Variants in PTPRN2 observed in about 807,000 individuals in gnomAD.
PTPRN2 encodes protein tyrosine phosphatase receptor type N2.
PTPRN2 carries 74 observed loss-of-function variants against 118.8 expected under a neutral mutation model. The ratio of observed to expected loss-of-function variants is 0.62; its 90% confidence interval spans 0.52 to 0.76. The LOEUF (loss-of-function observed/expected upper bound fraction) is 0.76. PTPRN2 is among the 30% of genes least tolerant of loss of function. The pLI is 0.00. For missense variants in PTPRN2, 1,481 were observed against 1,394.4 expected, an observed-to-expected ratio of 1.06 and a Z score of -0.99; for synonymous variants, 641 against 608.0, an observed-to-expected ratio of 1.05 and a Z score of -0.80.
chr7:157,737,506 G>C (rs193294129), intron 12 of PTPRN2, among the ~76,000 whole-genome samples: 40 of 152,240 alleles, frequency 2.6e-4, no homozygotes, highest in African/African-American at 9.6e-4. Context: ...GGCAGGGGGC[G>C]CAGGCAGGAG....
intron 2 of PTPRN2, among the ~76,000 whole-genome samples, chr7:158,378,933 C>T (rs1209792991): frequency 6.6e-6 from 1 of 152,214 alleles, no homozygotes; most frequent in Non-Finnish European, 1.5e-5. Flanking sequence ...GACCCCGCTC[C>T]CAGTCCTGTC....
At chr7:157,999,170 C>G (rs574637236) in intron 11 of PTPRN2, among the ~76,000 whole-genome samples, 1 of 152,076 alleles carries the variant, frequency 6.6e-6, no homozygotes, top group Non-Finnish European at 1.5e-5. Flanking sequence ...CTGCACTGAC[C>G]GGCTTTTATT....
chr7:157,589,631 G>A (rs1335949087), intron 17 of PTPRN2, among the ~76,000 whole-genome samples: 2 of 152,186 alleles, frequency 1.3e-5, no homozygotes, highest in Non-Finnish European at 2.9e-5. Flanking sequence ...GGATGGGTAT[G>A]AGGTGTTAAG....
chr7:157,672,548 C>T lies in PTPRN2; in HGVS notation c.2001+10177G>A, dbSNP rs77605785. ...CAGGCCAGGAAAGGTGATTCCAGGT[C>T]GGGAAAGGCCATTCCAGGAAGATTG... On this transcript the variant is annotated intron_variant, in intron 13 of 22. Transcript: ENST00000389418. Among the ~76,000 whole-genome samples the T allele has an allele frequency of 5.5e-3, 830 of 152,258 alleles. 22 individuals carry two copies. In the South Asian group the frequency reaches 0.079, roughly 15 times the overall value.
intron 11 of PTPRN2, among the ~76,000 whole-genome samples, chr7:157,963,640 C>T (rs575933938): frequency 5.8e-4 from 88 of 152,302 alleles, no homozygotes; most frequent in African/African-American, 1.7e-3. Context: ...GGCCACAGTT[C>T]GGGCCTGGGA....
At chr7:157,541,238 T>C (rs1346973526) in intron 22 of PTPRN2, among the ~76,000 whole-genome samples, 3 of 152,236 alleles carry the variant, frequency 2.0e-5, no homozygotes, top group South Asian at 4.1e-4. Flanking sequence ...GGGCCATGCT[T>C]GGGCGTTTCC....
intron 11 of PTPRN2, among the ~76,000 whole-genome samples, chr7:158,026,633 T>A (rs11772608): frequency 6.6e-6 from 1 of 152,130 alleles, no homozygotes; most frequent in Non-Finnish European, 1.5e-5. Context: ...CCACGTGAGA[T>A]GGTACAGGAG....
intron 10 of PTPRN2, among the ~76,000 whole-genome samples, chr7:158,101,617 T>C (rs1404378944): frequency 6.6e-6 from 1 of 152,222 alleles, no homozygotes; most frequent in Non-Finnish European, 1.5e-5. Context: ...AATCCCACTG[T>C]ATACAAAGAA....
intron 21 of PTPRN2, among the ~76,000 whole-genome samples, chr7:157,566,243 G>A (rs1799479841): frequency 6.6e-6 from 1 of 152,220 alleles, no homozygotes; most frequent in Admixed American, 6.5e-5. Context: ...GCATTCTCTG[G>A]TCTTCTGTAA....
At chr7:158,573,650 G>A (rs1226226448) in intron 1 of PTPRN2, among the ~76,000 whole-genome samples, 1 of 152,166 alleles carries the variant, frequency 6.6e-6, no homozygotes, top group East Asian at 1.9e-4. Context: ...CTTATGAATC[G>A]ATGAAACTGG....
intron 2 of PTPRN2, among the ~76,000 whole-genome samples, chr7:158,323,371 C>T (rs573902787): frequency 1.3e-5 from 2 of 152,318 alleles, no homozygotes; most frequent in South Asian, 2.1e-4. Flanking sequence ...GACGCAACCC[C>T]TTCACTGTGC....
intron 1 of PTPRN2, among the ~76,000 whole-genome samples, chr7:158,520,598 C>T (rs912934901): frequency 2.1e-4 from 32 of 152,324 alleles, no homozygotes; most frequent in African/African-American, 3.6e-4. Context: ...GCTCCAACCC[C>T]GACTTCCAAG....
At chr7:158,551,442 G>C (rs1826646246) in intron 1 of PTPRN2, among the ~76,000 whole-genome samples, 1 of 151,474 alleles carries the variant, frequency 6.6e-6, no homozygotes. Context: ...GCACTTGGGG[G>C]GCCCTGCCTA....
rs1263548 is a variant in PTPRN2, at chr7:157,674,540, T to G, written c.2001+8185A>C. Among the ~76,000 whole-genome samples the G allele has an allele frequency of 0.47, 71,912 of 152,126 alleles. 17,285 individuals are homozygous for G. The highest frequency in any genetic ancestry group is 0.53 in the Admixed American group (8,144 of 15,298). ...ACCCCGCGCAGCGTCTTGCCTCCTT[T>G]TATGCCGGTGTACGTGTTGTGTTAA... On this transcript the variant is annotated intron_variant, in intron 13 of 22. Coordinates refer to ENST00000389418, the MANE Select transcript of PTPRN2 (RefSeq NM_002847.5). This position sits in a 1 kb window ranked among gnomAD's most constrained non-coding sequence, Gnocchi z 4.5.
At chr7:158,342,734 C>G (rs2151241053) in intron 2 of PTPRN2, among the ~76,000 whole-genome samples, 1 of 152,282 alleles carries the variant, frequency 6.6e-6, no homozygotes, top group Non-Finnish European at 1.5e-5. Context: ...GGTTGGGTGC[C>G]TTGCTGGAGC....
In PTPRN2 at chr7:158,179,443, C is replaced by G. The variant is rs144401047; in HGVS notation, c.550-12152G>C. The stretch of plus-strand genomic sequence containing the variant: ...TAGTTTGCAAATATTTTCTCCCATT[C>G]TGTGGGTTTTCTGATAATTTCTTTT... On this transcript the variant is annotated intron_variant, in intron 5 of 22. Coordinates refer to ENST00000389418, the MANE Select transcript of PTPRN2 (RefSeq NM_002847.5). 2.6e-3 allele frequency among the ~76,000 whole-genome samples: 393 copies of G among 152,216 alleles called. 1 individual carries two copies. The highest frequency in any genetic ancestry group is 8.9e-3 in the African/African-American group (368 of 41,504).
intron 12 of PTPRN2, among the ~76,000 whole-genome samples, chr7:157,876,460 CT>C (rs1795773362): frequency 6.6e-6 from 1 of 152,218 alleles, no homozygotes; most frequent in Non-Finnish European, 1.5e-5. Context: ...CAAGTTATCC[CT>C]TTCCTTAGAA....
intron 1 of PTPRN2, among the ~76,000 whole-genome samples, chr7:158,536,745 C>T (rs1366803866): frequency 1.3e-5 from 2 of 151,836 alleles, no homozygotes; most frequent in Admixed American, 1.3e-4. Flanking sequence ...CAAGGGCCTT[C>T]CCAGTCCACC....
chr7:157,545,483 T>A (rs1165478850), intron 22 of PTPRN2, among the ~76,000 whole-genome samples: 1 of 151,026 alleles, frequency 6.6e-6, no homozygotes, highest in Non-Finnish European at 1.5e-5. Flanking sequence ...TGCGTGTGGG[T>A]GTGCGCAGTG....
Sources: allele counts gnomAD v4.1 joint callset (sites outside exome capture counted in the v4.1 genomes callset), GRCh38; gene constraint gnomAD v4.1.1; non-coding constraint Gnocchi (gnomAD v3.1); transcripts MANE v1.5; gene names NCBI Gene and HGNC (gene_info 2026-07-23, HGNC 2026-07-21).